Variants in DNAH12 observed in about 807,000 individuals in gnomAD.
The protein encoded by DNAH12 is axonemal beta dynein heavy chain 12.
Under a neutral mutation model 371.5 loss-of-function variants are expected in DNAH12, and 285 were observed. The observed-to-expected ratio is 0.77, with a 90% confidence interval of 0.70 to 0.85. The LOEUF is 0.85. DNAH12 is among the 40% of genes least tolerant of loss of function. The pLI is 0.00. For missense variants in DNAH12, 3,611 were observed against 3,689.4 expected (o/e 0.98, Z 0.55); for synonymous variants, 1,200 against 1,213.0 (o/e 0.99, Z 0.22).
chr3:57,510,806 G>A lies in DNAH12; in HGVS notation c.453C>T (p.Ser151=), dbSNP rs757398610. 4 of 1,613,916 alleles carry A rather than the reference G, an allele frequency of 2.5e-6. No homozygotes were observed. The highest frequency in any genetic ancestry group is 3.4e-6 in the Non-Finnish European group (4 of 1,179,970). ...INEVSSDFEN[S]MKRYLVQSVL... ...GCTACTTACCCAAATATCTCTTCAT[G>A]CTGTTTTCAAAGTCACTTGACACCT... Residue 151 remains serine, a synonymous_variant, in exon 5 of 74, where the codon AGC becomes AGT. Coordinates refer to ENST00000495027, the MANE Select transcript of DNAH12 (RefSeq NM_001366028.2).
Position 57,298,183 on chromosome 3 carries a change from C to T in DNAH12, c.11395-1199G>A, listed in dbSNP as rs1214301003. Reference sequence around the variant, plus strand: ...TCCAGGCACCTCTGGTGGTAGAACTCCACCTAGCCATGCAGGGTAGGCTGG... The same window carrying T: ...TCCAGGCACCTCTGGTGGTAGAACTTCACCTAGCCATGCAGGGTAGGCTGG... On this transcript the variant is annotated intron_variant, in intron 70 of 73. Coordinates refer to ENST00000495027, the MANE Select transcript of DNAH12 (RefSeq NM_001366028.2). Among the ~76,000 whole-genome samples, 5 of 152,314 alleles carry T rather than the reference C, an allele frequency of 3.3e-5. No homozygotes were observed. In the South Asian group the frequency reaches 8.3e-4, roughly 25 times the overall value.
intron 39 of DNAH12, 39 bp downstream of exon 39, chr3:57,413,707 G>T (rs782448920): frequency 2.6e-5 from 40 of 1,517,660 alleles, no homozygotes; most frequent in Non-Finnish European, 3.4e-5. Flanking sequence ...TAAAAACTGA[G>T]GTATAACTTC....
Position 57,523,663 on chromosome 3 carries a change from T to C in DNAH12, c.253-54A>G. On this transcript the variant is annotated intron_variant, in intron 3 of 73. Coordinates refer to ENST00000495027, the MANE Select transcript of DNAH12 (RefSeq NM_001366028.2). ...ATCAAGGAGAACATTTTAAAATTAA[T>C]TTAAATTGTTTAAAAATTAAATATA... is the stretch of plus-strand genomic sequence containing the variant. 3 of 1,362,218 alleles carry C rather than the reference T, an allele frequency of 2.2e-6. No individual in the cohort carries two copies. In the South Asian group the frequency reaches 5.5e-5, roughly 25 times the overall value. 84.4% of individuals were successfully genotyped at this position (1,362,218 alleles called of 1,614,324 possible).
chr3:57,468,296 A>G (rs532266233), intron 17 of DNAH12, among the ~76,000 whole-genome samples: 1 of 152,230 alleles, frequency 6.6e-6, no homozygotes, highest in Admixed American at 6.5e-5. Context: ...TGACTATGCC[A>G]CTGCACAGTC....
chr3:57,461,406 C>A (rs2153377183), intron 19 of DNAH12, 83 bp downstream of exon 19: 2 of 1,299,928 alleles, frequency 1.5e-6, no homozygotes, highest in Non-Finnish European at 1.1e-6. Context: ...ATCCAATAAG[C>A]TACTTATTAC....
chr3:57,505,529 C>T (rs1191145690), intron 8 of DNAH12, among the ~76,000 whole-genome samples: 2 of 152,052 alleles, frequency 1.3e-5, no homozygotes, highest in African/African-American at 4.8e-5. Context: ...CAACCTCTGT[C>T]TCCCGGGTTC....
intron 35 of DNAH12, among the ~76,000 whole-genome samples, chr3:57,423,283 G>T (rs925552420): frequency 6.6e-6 from 1 of 152,118 alleles, no homozygotes; most frequent in African/African-American, 2.4e-5. Flanking sequence ...GCAACTTGAA[G>T]GTTATATAGG....
chr3:57,395,214 C>CAT (rs879127403), intron 43 of DNAH12, among the ~76,000 whole-genome samples: 81,933 of 151,444 alleles, frequency 0.54, 22,336 homozygotes, highest in East Asian at 0.61. Flanking sequence ...TCAGTGACAG[C>CAT]GTTGGGAGCT....
At chr3:57,394,409 T>C (rs2063694945) in intron 43 of DNAH12, 77 bp from the exon 44 acceptor site, 1 of 152,298 alleles carries the variant, frequency 6.6e-6, no homozygotes, top group African/African-American at 2.4e-5. Context: ...TTCCCTTTCC[T>C]TTGATAACAA....
At chr3:57,533,779 G>A (rs974746344) in intron 2 of DNAH12, among the ~76,000 whole-genome samples, 7 of 152,290 alleles carry the variant, frequency 4.6e-5, no homozygotes, top group Admixed American at 2.6e-4. Context: ...CGGAAGGAAG[G>A]GTCTCTTTTG....
At chr3:57,523,699 A>T in intron 3 of DNAH12, 90 bp from the exon 4 acceptor site, 1 of 1,268,920 alleles carries the variant, frequency 7.9e-7, no homozygotes, top group South Asian at 1.9e-5. Flanking sequence ...TAGTTTAAAT[A>T]TATCTATTAT....
intron 62 of DNAH12, among the ~76,000 whole-genome samples, chr3:57,330,088 A>C (rs2062057056): frequency 6.6e-6 from 1 of 151,926 alleles, no homozygotes; most frequent in Admixed American, 6.6e-5. Context: ...GATGTGGAGA[A>C]ATAGGAACAC....
intron 65 of DNAH12, among the ~76,000 whole-genome samples, chr3:57,317,709 T>C (rs2061716900): frequency 1.3e-5 from 2 of 152,150 alleles, no homozygotes; most frequent in Admixed American, 1.3e-4. Context: ...GACTGCTGGA[T>C]CATATGTTCT....
intron 35 of DNAH12, among the ~76,000 whole-genome samples, chr3:57,424,068 T>TAGCTTTCATA (rs2153362710): frequency 6.6e-6 from 1 of 152,314 alleles, no homozygotes; most frequent in Non-Finnish European, 1.5e-5. Flanking sequence ...CTAGCTTTTA[T>TAGCTTTCATA]GTTGCCTAAA....
In DNAH12 at chr3:57,542,871, C is replaced by G; in HGVS notation, c.-1G>C. ...TGGCAGCTTTGTTTGCATCTGACATCTTGATCCCCTAAAGATTAAAATACT... is the reference window on the plus strand; with the variant it reads ...TGGCAGCTTTGTTTGCATCTGACATGTTGATCCCCTAAAGATTAAAATACT... On this transcript the variant is annotated 5_prime_UTR_variant, in exon 2 of 74. Transcript: ENST00000495027. 1.3e-6 allele frequency: 2 copies of G among 1,581,390 alleles called. No homozygotes were observed. Among genetic ancestry groups the G allele is most frequent in the Non-Finnish European group, 1.7e-6 (2 of 1,168,806 alleles).
chr3:57,471,703 A>C, intron 14 of DNAH12, 97 bp from the exon 15 acceptor site: 4 of 1,113,718 alleles, frequency 3.6e-6, no homozygotes, highest in Non-Finnish European at 4.7e-6. Context: ...AAACCATCAG[A>C]GAAGTAAAAA....
intron 59 of DNAH12, among the ~76,000 whole-genome samples, chr3:57,353,877 C>T (rs2062738871): frequency 6.6e-6 from 1 of 152,102 alleles, no homozygotes; most frequent in African/African-American, 2.4e-5. Context: ...AAAAAAATAA[C>T]AGAAGCTGGT....
intron 38 of DNAH12, among the ~76,000 whole-genome samples, chr3:57,414,485 C>T (rs2064303575): frequency 2.0e-5 from 3 of 152,104 alleles, no homozygotes; most frequent in Non-Finnish European, 4.4e-5. Context: ...TATTTCATCA[C>T]TCAGGTAATA....
chr3:57,344,935 G>C (rs2062501214), intron 60 of DNAH12, among the ~76,000 whole-genome samples: 1 of 151,970 alleles, frequency 6.6e-6, no homozygotes, highest in South Asian at 2.1e-4. Flanking sequence ...TTAAGGTGCT[G>C]ACCCCCCATG....
Sources: gnomAD v4.1 joint callset for allele counts (sites outside exome capture counted in the v4.1 genomes callset) on GRCh38, gnomAD v4.1.1 for gene constraint, MANE v1.5 for transcripts, NCBI Gene and HGNC (gene_info 2026-07-23, HGNC 2026-07-21) for gene names.